The following LMTK2 variants were observed in gnomAD, a reference collection of about 807,000 sequenced individuals.
LMTK2 encodes serine/threonine-protein kinase LMTK2.
A neutral mutation model predicts 127.5 loss-of-function variants in LMTK2; 37 were observed. The observed-to-expected ratio is 0.29, with a 90% CI of 0.22 to 0.38. LMTK2 has a LOEUF of 0.38. LMTK2 is among the 10% of genes least tolerant of loss of function. The probability of loss-of-function intolerance (pLI) is 1.00; values close to 1 mark genes in which losing one functional copy is unlikely to be tolerated. For missense variants in LMTK2, 1,694 were observed against 1,920.3 expected, an observed-to-expected ratio of 0.88 and a Z score of 2.20; for synonymous variants, 819 against 810.1, an observed-to-expected ratio of 1.01 and a Z score of -0.19.
At chr7:98,146,116 A>C (rs955530605) in intron 3 of LMTK2, among the ~76,000 whole-genome samples, 1 of 152,088 alleles carries the variant, frequency 6.6e-6, no homozygotes, top group South Asian at 2.1e-4. Flanking sequence ...TCAGTTTACT[A>C]TATTTTTTGG....
Position 98,190,618 on chromosome 7 carries a change from C to A in LMTK2, c.999-110C>A, listed in dbSNP as rs962682852. 4.0e-6 allele frequency: 4 copies of A among 1,000,932 alleles called. No homozygotes were observed. The African/African-American group carries it at 6.5e-5, about 16-fold the overall frequency. 62.0% of individuals were successfully genotyped at this position (1,000,932 alleles called of 1,614,324 possible). ...CAACAACAAAGATCCTATTAATAATCTTTTCAATACACACCTTGTCCTTAA... is the reference window on the plus strand; with the variant it reads ...CAACAACAAAGATCCTATTAATAATATTTTCAATACACACCTTGTCCTTAA... On this transcript the variant is annotated intron_variant, in intron 9 of 13. Transcript: ENST00000297293.
At chr7:98,111,796 A>G (rs1796205396) in intron 1 of LMTK2, among the ~76,000 whole-genome samples, 1 of 152,214 alleles carries the variant, frequency 6.6e-6, no homozygotes, top group South Asian at 2.1e-4. Flanking sequence ...GGATTTAAAA[A>G]ATCTTTGTTG....
chr7:98,204,725 G>T (rs2116487296), intron 13 of LMTK2, among the ~76,000 whole-genome samples: 1 of 152,382 alleles, frequency 6.6e-6, no homozygotes, highest in South Asian at 2.1e-4. Context: ...CGGCCACCCT[G>T]TGGGGCCAGG....
Position 98,192,517 on chromosome 7 carries a change from C to T in LMTK2, c.2052C>T (p.His684=). 6.2e-7 allele frequency: 1 copy of T among 1,610,666 alleles called. No homozygotes were observed. Among genetic ancestry groups the T allele is most frequent in the South Asian group, 1.1e-5 (1 of 89,986 alleles). ...DNPKESVITG[H]FEKEKPRKIF... ...CCAAAGAGTCAGTCATAACAGGCCA[C>T]TTTGAGAAAGAAAAGCCCCGTAAGA... The change falls in exon 11 of 14, where the codon CAC becomes CAT. Residue 684 remains histidine (H), a synonymous_variant. Coordinates refer to ENST00000297293, the MANE Select transcript of LMTK2 (RefSeq NM_014916.4).
chr7:98,166,709 A>G (rs186348238), intron 6 of LMTK2, among the ~76,000 whole-genome samples: 2 of 152,328 alleles, frequency 1.3e-5, no homozygotes, highest in East Asian at 3.9e-4. Context: ...AACATGCTCT[A>G]TAGGTTTGAA....
intron 2 of LMTK2, among the ~76,000 whole-genome samples, chr7:98,138,934 T>C (rs1398302503): frequency 2.6e-5 from 4 of 152,184 alleles, no homozygotes; most frequent in Non-Finnish European, 5.9e-5. Context: ...TCTGTGTGAC[T>C]GTGTAAAGAG....
chr7:98,159,272 T>C, intron 5 of LMTK2, 66 bp from the exon 6 acceptor site: 1 of 1,011,214 alleles, frequency 9.9e-7, no homozygotes, highest in Non-Finnish European at 1.5e-6. Flanking sequence ...ATTAGTATGC[T>C]TTTGTTTGAA....
intron 11 of LMTK2, among the ~76,000 whole-genome samples, chr7:98,202,396 A>G (rs138242274): frequency 5.8e-4 from 88 of 152,204 alleles, no homozygotes; most frequent in African/African-American, 2.0e-3. Flanking sequence ...GATAATTCCA[A>G]CATCTGTGGT....
chr7:98,161,161 C>T (rs1185516446), intron 6 of LMTK2, among the ~76,000 whole-genome samples: 1 of 151,470 alleles, frequency 6.6e-6, no homozygotes, highest in East Asian at 1.9e-4. Context: ...TTTTTCTGTT[C>T]TTCTTTGGGA....
At position 98,194,340 on chromosome 7, in the gene LMTK2, A is replaced by G; in HGVS notation, c.3875A>G (p.Asp1292Gly). 1 of 1,614,090 alleles carries G rather than the reference A, an allele frequency of 6.2e-7. No homozygotes were observed. The highest frequency in any genetic ancestry group is 8.5e-7 in the Non-Finnish European group (1 of 1,180,002). Residue 1292 changes from aspartate to glycine, a missense_variant, in exon 11 of 14, where the codon GAC becomes GGC. This residue lies in a region of LMTK2 where 554 missense variants were observed against 567.7 expected (regional missense o/e 0.98). Transcript: ENST00000297293. This position sits in a 1 kb window ranked among gnomAD's most constrained non-coding sequence, Gnocchi z 5.4. ...MDADEEDENS[D>G]DSDEDLRAFN... The stretch of plus-strand genomic sequence containing the variant: ...GCAGACGAGGAGGACGAAAACAGCG[A>G]CGACTCGGACGAGGACCTGCGGGCC...
At chr7:98,107,448 TG>T (rs1231417952) in intron 1 of LMTK2, among the ~76,000 whole-genome samples, 168 bp downstream of exon 1, 1 of 5,712 alleles carries the variant, frequency 1.8e-4, no homozygotes, top group Non-Finnish European at 3.0e-4. Flanking sequence ...GCGTGGGATT[TG>T]GGGGGGCGGG....
chr7:98,135,398 C>T (rs1174986586), intron 1 of LMTK2, among the ~76,000 whole-genome samples: 1 of 152,102 alleles, frequency 6.6e-6, no homozygotes, highest in East Asian at 1.9e-4. Context: ...CTGCAGCCTC[C>T]TCCTCCTGGG....
In LMTK2 at chr7:98,194,484, A is replaced by G. The variant is rs1158568204; in HGVS notation, c.4019A>G (p.Asn1340Ser). The change falls in exon 11 of 14, where the codon AAT becomes AGT. Residue 1340 changes from asparagine (N) to serine (S), a missense_variant. Around this residue, in one of 8 missense-constraint regions of LMTK2, gnomAD observed 554 missense variants for 567.7 expected, o/e 0.98. Coordinates refer to ENST00000297293, the MANE Select transcript of LMTK2 (RefSeq NM_014916.4). This position sits in a 1 kb window ranked among gnomAD's most constrained non-coding sequence, Gnocchi z 5.4. ...LRSLLKPTAA[N>S]APDPLPEDWK... is the part of the protein sequence containing the mutation. ...AGTCTGTTGAAGCCCACAGCGGCCAATGCCCCCGACCCACTGCCCGAGGAC... is the reference window on the plus strand; with the variant it reads ...AGTCTGTTGAAGCCCACAGCGGCCAGTGCCCCCGACCCACTGCCCGAGGAC... The G allele has an allele frequency of 5.0e-6, 8 of 1,613,906 alleles. No individual in the cohort carries two copies. The highest frequency in any genetic ancestry group is 2.2e-5 in the South Asian group (2 of 91,090).
At chr7:98,139,544 A>G (rs1584257366) in intron 2 of LMTK2, among the ~76,000 whole-genome samples, 1 of 152,234 alleles carries the variant, frequency 6.6e-6, no homozygotes, top group East Asian at 1.9e-4. Flanking sequence ...GATGGACAAA[A>G]TCATTTTACA....
In LMTK2 at chr7:98,141,490, T is replaced by C. The variant is rs1796698770; in HGVS notation, c.325T>C (p.Ser109Pro). ...GTCCCCAGCAGAGGTCTTCACACTTTCAGTACCAAATATTTCACTCCCAGC... is the reference window on the plus strand; with the variant it reads ...GTCCCCAGCAGAGGTCTTCACACTTCCAGTACCAAATATTTCACTCCCAGC... Reference protein sequence around the residue: ...VQSPAEVFTLSVPNISLPAPS... With the variant: ...VQSPAEVFTLPVPNISLPAPS... Residue 109 changes from serine (S) to proline (P), a missense_variant, in exon 3 of 14, where the codon TCA becomes CCA. This residue lies in a region of LMTK2 where 203 missense variants were observed against 226.2 expected (regional missense o/e 0.90). Transcript: ENST00000297293. The C allele has an allele frequency of 6.2e-7, 1 of 1,613,950 alleles. No individual in the cohort carries two copies. The highest frequency in any genetic ancestry group is 8.5e-7 in the Non-Finnish European group (1 of 1,179,948).
At chr7:98,203,814 G>A in intron 12 of LMTK2, 108 bp downstream of exon 12, 1 of 1,569,424 alleles carries the variant, frequency 6.4e-7, no homozygotes, top group Admixed American at 1.7e-5. Flanking sequence ...CCTGACATGG[G>A]CACAGAACTG....
At chr7:98,200,092 T>A (rs1284358685) in intron 11 of LMTK2, among the ~76,000 whole-genome samples, 1 of 152,226 alleles carries the variant, frequency 6.6e-6, no homozygotes. Context: ...TCTTTTTTTT[T>A]ACACTGTTCT....
At chr7:98,140,295 C>T (rs1452116245) in intron 2 of LMTK2, among the ~76,000 whole-genome samples, 1 of 151,576 alleles carries the variant, frequency 6.6e-6, no homozygotes, top group Admixed American at 6.6e-5. Flanking sequence ...AGTAGTCCTG[C>T]GCCACCATGC....
Position 98,159,356 on chromosome 7 carries a change from T to C in LMTK2, c.588T>C (p.Asn196=). Residue 196 remains asparagine, a synonymous_variant, in exon 6 of 14, where the codon AAT becomes AAC. Transcript: ENST00000297293. ...GEPYYILQHP[N]ILQCVGQCVE... ...TTCCCAGCATTCTTCAGCATCCAAATATTCTTCAGTGTGTTGGACAGTGCG... is the reference window on the plus strand; with the variant it reads ...TTCCCAGCATTCTTCAGCATCCAAACATTCTTCAGTGTGTTGGACAGTGCG... 1 of 1,605,268 alleles carries C rather than the reference T, an allele frequency of 6.2e-7. No individual in the cohort carries two copies. The highest frequency in any genetic ancestry group is 1.1e-5 in the South Asian group (1 of 89,290).
Sources: gnomAD v4.1 joint callset for allele counts (sites outside exome capture counted in the v4.1 genomes callset) on GRCh38, gnomAD v4.1.1 for gene constraint, gnomAD v4.1.1 regional missense constraint, Gnocchi (gnomAD v3.1) non-coding constraint, MANE v1.5 for transcripts, NCBI Gene and HGNC (gene_info 2026-07-23, HGNC 2026-07-21) for gene names.